The following BDH1 variants were observed in gnomAD, a reference collection of about 807,000 sequenced individuals.
BDH1 encodes the protein D-beta-hydroxybutyrate dehydrogenase, mitochondrial.
In BDH1, 30 loss-of-function variants were observed where a neutral mutation model predicts 33.1. The ratio of observed to expected loss-of-function variants is 0.91; its 90% CI spans 0.68 to 1.23. The LOEUF is 1.23. Ranked by LOEUF, BDH1 falls within the 50% of genes most tolerant of loss-of-function variation. The pLI is 0.00. For missense variants in BDH1, 443 were observed against 464.4 expected (o/e 0.95, Z 0.42); for synonymous variants, 190 against 183.6 (o/e 1.03, Z -0.28).
At chr3:197,548,431 C>T (rs1477629709) in intron 2 of BDH1, among the ~76,000 whole-genome samples, 1 of 152,268 alleles carries the variant, frequency 6.6e-6, no homozygotes. Flanking sequence ...CACCCCTTAG[C>T]TCAATGCCTG....
Position 197,523,065 on chromosome 3 carries a change from A to G in BDH1, c.268-284T>C. The G allele has an allele frequency of 2.3e-6, 1 of 427,420 alleles. No individual in the cohort carries two copies. The allele number at this position is 427,420 out of a possible 1,614,324, so 26.5% of individuals were successfully genotyped here. On this transcript the variant is annotated intron_variant, in intron 5 of 7. Coordinates refer to ENST00000392379, the MANE Select transcript of BDH1 (RefSeq NM_203314.3). This position sits in a 1 kb window ranked among gnomAD's most constrained non-coding sequence, Gnocchi z 4.5. ...ATTCCTTCTCCAAGCAGGGGTTGCA[A>G]ACTTATGTGGGGCAGGCGGGGGCCC...
At chr3:197,559,247 A>G (rs1315697507), upstream of BDH1, among the ~76,000 whole-genome samples, 1 of 151,940 alleles carries the variant, frequency 6.6e-6, no homozygotes, top group Non-Finnish European at 1.5e-5. Context: ...TGATCTGCCC[A>G]CCTCAGCCTC....
chr3:197,563,726 A>C (rs901195826), intron 1 of BDH1, among the ~76,000 whole-genome samples: 1 of 152,228 alleles, frequency 6.6e-6, no homozygotes, highest in Non-Finnish European at 1.5e-5. Flanking sequence ...TAAAAAGATG[A>C]ATAGTTTTTG....
intron 5 of BDH1, chr3:197,529,872 G>A (rs1714482573): frequency 6.6e-6 from 1 of 152,088 alleles, no homozygotes; most frequent in Admixed American, 6.6e-5. Flanking sequence ...AAAGAAAAAT[G>A]TCTCACCCAC....
At chr3:197,515,022 TA>T (rs1712545880) in intron 6 of BDH1, among the ~76,000 whole-genome samples, 1 of 152,238 alleles carries the variant, frequency 6.6e-6, no homozygotes, top group Non-Finnish European at 1.5e-5. Flanking sequence ...CCCGGGCCGA[TA>T]GCCCCGTGCT....
Position 197,514,054 on chromosome 3 carries a change from C to A in BDH1, c.562+210G>T. On this transcript the variant is annotated intron_variant, in intron 7 of 7. Coordinates refer to ENST00000392379, the MANE Select transcript of BDH1 (RefSeq NM_203314.3). This position sits in a 1 kb window ranked among gnomAD's most constrained non-coding sequence, Gnocchi z 4.2. ...AAGCTTTTGCTGCATGGACCACTGACCTCTTACCTGCTCTGCTTCCTCCTC... is the reference window on the plus strand; with the variant it reads ...AAGCTTTTGCTGCATGGACCACTGAACTCTTACCTGCTCTGCTTCCTCCTC... 1.7e-6 allele frequency: 1 copy of A among 587,746 alleles called. No individual in the cohort carries two copies. Among genetic ancestry groups the A allele is most frequent in the East Asian group, 3.0e-5 (1 of 32,804 alleles). 36.4% of individuals were successfully genotyped at this position (587,746 alleles called of 1,614,324 possible). A position where few individuals can be genotyped will look rare whatever the true frequency, so the allele number is the denominator to read the frequency against.
rs1712053537 is a variant in BDH1 at position 197,511,867 on chromosome 3, T to A, written c.*28A>T. The stretch of plus-strand genomic sequence containing the variant: ...CCCTCCCCTCCCCTTCCACCAGGGA[T>A]CCCTGACAGAGGCCACAGCGAGACT... On this transcript the variant is annotated 3_prime_UTR_variant, in exon 8 of 8. Transcript: ENST00000392379. The A allele has an allele frequency of 2.0e-6, 3 of 1,527,398 alleles. No homozygotes were observed. The allele number at this position is 1,527,398 out of a possible 1,614,324, so 94.6% of individuals were successfully genotyped here.
intron 1 of BDH1, among the ~76,000 whole-genome samples, chr3:197,566,447 A>C (rs959756559): frequency 1.3e-5 from 2 of 152,196 alleles, no homozygotes; most frequent in Admixed American, 1.3e-4. Context: ...GGAAAGGATC[A>C]CTCAACTCAT....
chr3:197,527,722 C>A (rs1408429479), intron 5 of BDH1, among the ~76,000 whole-genome samples: 3 of 152,064 alleles, frequency 2.0e-5, no homozygotes, highest in African/African-American at 7.2e-5. Context: ...ACTGCACTGT[C>A]CCCTCTTCCC....
At position 197,522,303 on chromosome 3, in the gene BDH1, C is replaced by T. The variant is rs1419209760; in HGVS notation, c.409+337G>A. ...CGGCTGAACTATGAGGTCCTGGGGA[C>T]AGAATGTGCCTTGACCATCTTTGTG... On this transcript the variant is annotated intron_variant, in intron 6 of 7. Transcript: ENST00000392379. The surrounding 1 kb of genome is among the most constrained non-coding windows in gnomAD (Gnocchi z 4.8). 6.6e-6 allele frequency among the ~76,000 whole-genome samples: 1 copy of T among 152,086 alleles called. No individual in the cohort carries two copies. The highest frequency in any genetic ancestry group is 1.5e-5 in the Non-Finnish European group (1 of 68,014).
At chr3:197,537,954 G>A (rs1715296992) in intron 3 of BDH1, among the ~76,000 whole-genome samples, 2 of 152,134 alleles carry the variant, frequency 1.3e-5, no homozygotes, top group Non-Finnish European at 1.5e-5. Context: ...TGGGTTGCCG[G>A]CTGCTTCAAC....
chr3:197,536,029 G>A (rs770819742), intron 3 of BDH1, among the ~76,000 whole-genome samples: 18 of 151,660 alleles, frequency 1.2e-4, no homozygotes, highest in Non-Finnish European at 2.2e-4. Flanking sequence ...CTGGGGGACT[G>A]AGGGAGACCC....
chr3:197,554,051 C>A lies in BDH1; in HGVS notation c.-44+511G>T, dbSNP rs1716788877. ...GTATCTCCAACTATACTTTTCTCCT[C>A]TACTCATTCAACCGTTTGCTACACC... On this transcript the variant is annotated intron_variant, in intron 2 of 7. Transcript: ENST00000392379. This position sits in a 1 kb window ranked among gnomAD's most constrained non-coding sequence, Gnocchi z 4.4. 6.6e-6 allele frequency among the ~76,000 whole-genome samples: 1 copy of A among 152,244 alleles called. No individual in the cohort carries two copies. Among genetic ancestry groups the A allele is most frequent in the Admixed American group, 6.5e-5 (1 of 15,282 alleles).
At chr3:197,547,837 G>T (rs1407687466) in intron 2 of BDH1, among the ~76,000 whole-genome samples, 1 of 151,334 alleles carries the variant, frequency 6.6e-6, no homozygotes, top group Non-Finnish European at 1.5e-5. Flanking sequence ...CTGCCTCAGA[G>T]TACCGGCTCC....
chr3:197,519,107 C>T (rs917418204), intron 6 of BDH1, among the ~76,000 whole-genome samples: 1 of 151,034 alleles, frequency 6.6e-6, no homozygotes, highest in African/African-American at 2.4e-5. Flanking sequence ...TGGATCCCCC[C>T]ATCAGTCACT....
chr3:197,562,945 C>T lies in BDH1; in HGVS notation c.-44+10236G>A, dbSNP rs1358. Reference sequence around the variant, plus strand: ...AGGTCAACCTGCAAATTCTAGAGTTCCTAGTCCGTTTTTCTCTATTTTCCT... The same window carrying T: ...AGGTCAACCTGCAAATTCTAGAGTTTCTAGTCCGTTTTTCTCTATTTTCCT... On this transcript the variant is annotated intron_variant, in intron 1 of 6. Transcript: ENST00000358186. Among the ~76,000 whole-genome samples the T allele has an allele frequency of 2.2e-3, 331 of 152,252 alleles. 10 individuals carry two copies. In the East Asian group the frequency reaches 0.042, roughly 19 times the overall value.
chr3:197,533,483 A>T lies in BDH1; in HGVS notation c.156+6T>A, dbSNP rs1415722634. On this transcript the variant is annotated splice_donor_region_variant and intron_variant, in intron 4 of 7. Coordinates refer to ENST00000392379, the MANE Select transcript of BDH1 (RefSeq NM_203314.3). The stretch of plus-strand genomic sequence containing the variant: ...CTGGCTCCCGGGTAGCTGGGCTTCC[A>T]CTCACCGGCTCCGCCGCACTGGCAT... The T allele has an allele frequency of 6.2e-7, 1 of 1,614,158 alleles. No homozygotes were observed.
At position 197,532,409 on chromosome 3, in the gene BDH1, T is replaced by G; in HGVS notation, c.267+3A>C. On this transcript the variant is annotated splice_donor_region_variant and intron_variant, in intron 5 of 7. Coordinates refer to ENST00000392379, the MANE Select transcript of BDH1 (RefSeq NM_203314.3). ...ATGGTGAAGAAGATAACTCGTCTCT[T>G]ACCTTCATCAAGCAGCCAGCAAACA... 1 of 1,612,526 alleles carries G rather than the reference T, an allele frequency of 6.2e-7. No individual in the cohort carries two copies. Among genetic ancestry groups the G allele is most frequent in the Non-Finnish European group, 8.5e-7 (1 of 1,178,524 alleles).
chr3:197,510,599 G>GGTGTGTGTGTGTATGTGTGT lies in BDH1; in HGVS notation c.*1295_*1296insACACACATACACACACACAC. ...CCACGCTGAAGCCCTGCAGAACAGGGGTGTGTGTGTGTGTGTGTGTGTGTG... is the reference window on the plus strand; with the variant it reads ...CCACGCTGAAGCCCTGCAGAACAGGGGTGTGTGTGTGTATGTGTGTGTGTGTGTGTGTGTGTGTGTGTGTG... On this transcript the variant is annotated 3_prime_UTR_variant, in exon 8 of 8. Coordinates refer to ENST00000392379, the MANE Select transcript of BDH1 (RefSeq NM_203314.3). 1 of 75,376 alleles carries GGTGTGTGTGTGTATGTGTGT rather than the reference G, an allele frequency of 1.3e-5. No homozygotes were observed. The highest frequency in any genetic ancestry group is 7.8e-4 in the East Asian group (1 of 1,274). 4.7% of individuals were successfully genotyped at this position (75,376 alleles called of 1,614,324 possible).
Sources: allele counts gnomAD v4.1 joint callset (sites outside exome capture counted in the v4.1 genomes callset), GRCh38; gene constraint gnomAD v4.1.1; non-coding constraint Gnocchi (gnomAD v3.1); transcripts MANE v1.5; gene names NCBI Gene and HGNC (gene_info 2026-07-23, HGNC 2026-07-21).